The following PHACTR1 variants were observed in gnomAD, a reference collection of about 807,000 sequenced individuals.
PHACTR1 encodes phosphatase and actin regulator 1, also known as RPEL repeat containing 1.
A neutral mutation model predicts 69.2 loss-of-function variants in PHACTR1; 16 were observed. The observed-to-expected ratio is 0.23, with a 90% confidence interval of 0.16 to 0.35. PHACTR1 has a LOEUF of 0.35. Ranked by LOEUF, PHACTR1 falls within the 10% of genes least tolerant of loss-of-function variation. The probability of loss-of-function intolerance (pLI) is 1.00; values close to 1 mark genes in which losing one functional copy is unlikely to be tolerated. For missense variants in PHACTR1, 510 were observed against 734.7 expected, an observed-to-expected ratio of 0.69 and a Z score of 3.54; for synonymous variants, 312 against 284.5, an observed-to-expected ratio of 1.10 and a Z score of -0.97.
At chr6:13,037,698 T>C (rs1315385589) in intron 4 of PHACTR1, among the ~76,000 whole-genome samples, 1 of 152,120 alleles carries the variant, frequency 6.6e-6, no homozygotes, top group Admixed American at 6.5e-5. Flanking sequence ...GGAGGACCCA[T>C]TGGGGGATTC....
chr6:13,158,015 G>A (rs924272540), intron 5 of PHACTR1, among the ~76,000 whole-genome samples: 3 of 152,056 alleles, frequency 2.0e-5, no homozygotes, highest in Non-Finnish European at 4.4e-5. Flanking sequence ...CCAAGTAGCT[G>A]GGACTACAAG....
intron 4 of PHACTR1, among the ~76,000 whole-genome samples, chr6:12,758,704 A>G (rs1480393554): frequency 1.3e-5 from 2 of 152,160 alleles, no homozygotes; most frequent in African/African-American, 4.8e-5. Flanking sequence ...TACTTAATAG[A>G]CATGATTTAC....
In PHACTR1 at chr6:13,245,473, T is replaced by G. The variant is rs61059365; in HGVS notation, c.1391+15280T>G. Among the ~76,000 whole-genome samples, 1 of 152,158 alleles carries G rather than the reference T, an allele frequency of 6.6e-6. No homozygotes were observed. Among genetic ancestry groups the G allele is most frequent in the African/African-American group, 2.4e-5 (1 of 41,396 alleles). On this transcript the variant is annotated intron_variant, in intron 10 of 14. Transcript: ENST00000332995. This position sits in a 1 kb window ranked among gnomAD's most constrained non-coding sequence, Gnocchi z 4.1. ...TTGGCCACATGGATTTCTGTTTTTG[T>G]AAAGTGTCTGTTCATGTCCTTTTTA...
At chr6:12,985,838 ATT>A (rs143286319) in intron 4 of PHACTR1, among the ~76,000 whole-genome samples, 6 of 145,000 alleles carry the variant, frequency 4.1e-5, no homozygotes, top group Non-Finnish European at 3.0e-5. Context: ...AAACATGCTA[ATT>A]TTTTTTTTTT....
At chr6:13,151,718 A>G (rs1196086662) in intron 5 of PHACTR1, among the ~76,000 whole-genome samples, 1 of 152,152 alleles carries the variant, frequency 6.6e-6, no homozygotes, top group Admixed American at 6.6e-5. Context: ...GCATAGAATG[A>G]TTTCATTTAT....
At chr6:12,893,580 G>T (rs891386695) in intron 4 of PHACTR1, among the ~76,000 whole-genome samples, 1 of 151,982 alleles carries the variant, frequency 6.6e-6, no homozygotes, top group Non-Finnish European at 1.5e-5. Context: ...CCTTGGACCT[G>T]CTGTACCCCT....
At chr6:13,092,623 A>G (rs1813473003) in intron 5 of PHACTR1, among the ~76,000 whole-genome samples, 1 of 152,242 alleles carries the variant, frequency 6.6e-6, no homozygotes, top group South Asian at 2.1e-4. Flanking sequence ...ACAACTCACC[A>G]TAATATGGAA....
At position 12,877,891 on chromosome 6, in the gene PHACTR1, T is replaced by C. The variant is rs112700235; in HGVS notation, c.250+128101T>C. Among the ~76,000 whole-genome samples, 447 of 152,354 alleles carry C rather than the reference T, an allele frequency of 2.9e-3. 1 individual carries two copies. The highest frequency in any genetic ancestry group is 0.01 in the African/African-American group (433 of 41,576). On this transcript the variant is annotated intron_variant, in intron 4 of 14. Coordinates refer to ENST00000332995, the MANE Select transcript of PHACTR1 (RefSeq NM_030948.6). ...TAATGGAATTTTCTCCCTCCTGGGC[T>C]TCTTGACTCTCTGGCATCTGCTGAC... is the stretch of plus-strand genomic sequence containing the variant.
At chr6:13,091,074 C>T (rs1475522773) in intron 5 of PHACTR1, among the ~76,000 whole-genome samples, 2 of 151,814 alleles carry the variant, frequency 1.3e-5, no homozygotes, top group Admixed American at 6.6e-5. Flanking sequence ...TGCAATGGCG[C>T]ATCTCGGCTC....
chr6:13,223,995 A>C (rs921239418), intron 8 of PHACTR1, among the ~76,000 whole-genome samples: 1 of 152,152 alleles, frequency 6.6e-6, no homozygotes, highest in Non-Finnish European at 1.5e-5. Context: ...ATTAAAAAAA[A>C]CCCCTTAGTT....
intron 4 of PHACTR1, among the ~76,000 whole-genome samples, chr6:12,976,928 AG>A (rs1325282153): frequency 1.3e-5 from 2 of 152,198 alleles, no homozygotes; most frequent in African/African-American, 4.8e-5. Flanking sequence ...ATGTATGTAT[AG>A]GAAAAAACAT....
chr6:12,939,122 A>G (rs1023615136), intron 4 of PHACTR1, among the ~76,000 whole-genome samples: 1 of 152,214 alleles, frequency 6.6e-6, no homozygotes, highest in Non-Finnish European at 1.5e-5. Context: ...ATTGTGTGGC[A>G]AAATCATGCT....
chr6:13,171,519 C>T (rs1760617420), intron 6 of PHACTR1, among the ~76,000 whole-genome samples: 1 of 152,204 alleles, frequency 6.6e-6, no homozygotes, highest in Non-Finnish European at 1.5e-5. Flanking sequence ...GTAGAACTTT[C>T]AACAGTAACA....
chr6:12,981,028 T>G (rs1445951497), intron 4 of PHACTR1, among the ~76,000 whole-genome samples: 1 of 152,238 alleles, frequency 6.6e-6, no homozygotes, highest in Non-Finnish European at 1.5e-5. Flanking sequence ...GGATAACTGG[T>G]GGGAATGCTT....
At chr6:12,839,620 C>T (rs1446476806) in intron 4 of PHACTR1, among the ~76,000 whole-genome samples, 1 of 152,118 alleles carries the variant, frequency 6.6e-6, no homozygotes, top group African/African-American at 2.4e-5. Flanking sequence ...CAAGCCTCAT[C>T]CTCCCAACTT....
intron 11 of PHACTR1, chr6:13,273,385 T>A (rs1778174326): frequency 6.5e-6 from 1 of 154,694 alleles, no homozygotes; most frequent in African/African-American, 2.4e-5. Context: ...AATGTTAAAT[T>A]GAAAGACTAA....
In PHACTR1 at chr6:13,206,081, A is replaced by C; in HGVS notation, c.931A>C (p.Arg311=). Residue 311 remains arginine (R), a synonymous_variant, in exon 8 of 15, where the codon AGA becomes CGA. Coordinates refer to ENST00000332995, the MANE Select transcript of PHACTR1 (RefSeq NM_030948.6). ...CCTCCCCATGCACCCCTCGGGCTGC[A>C]GAATGATAGACGAGCTCAACAAAAC... ...GSLPMHPSGC[R]MIDELNKTLA... is the part of the protein sequence containing the mutation. The C allele has an allele frequency of 6.2e-7, 1 of 1,613,260 alleles. No individual in the cohort carries two copies. Among genetic ancestry groups the C allele is most frequent in the South Asian group, 1.1e-5 (1 of 90,970 alleles).
intron 10 of PHACTR1, among the ~76,000 whole-genome samples, chr6:13,260,573 G>A (rs922073189): frequency 1.4e-4 from 22 of 152,236 alleles, no homozygotes; most frequent in South Asian, 6.2e-4. Flanking sequence ...TATTCTCTTT[G>A]TTCCATCGCA....
chr6:12,838,709 A>G (rs1778405533), intron 4 of PHACTR1, among the ~76,000 whole-genome samples: 1 of 152,226 alleles, frequency 6.6e-6, no homozygotes, highest in Non-Finnish European at 1.5e-5. Flanking sequence ...AAATATGGGC[A>G]CTACAAAATA....
Sources: gnomAD v4.1 joint callset for allele counts (sites outside exome capture counted in the v4.1 genomes callset) on GRCh38, gnomAD v4.1.1 for gene constraint, Gnocchi (gnomAD v3.1) non-coding constraint, MANE v1.5 for transcripts, NCBI Gene and HGNC (gene_info 2026-07-23, HGNC 2026-07-21) for gene names.